Variants in WASL observed in about 807,000 individuals in gnomAD.
The protein encoded by WASL is WASP like actin nucleation promoting factor.
A neutral mutation model predicts 55.5 loss-of-function variants in WASL; 20 were observed. The ratio of observed to expected loss-of-function variants is 0.36; its 90% CI spans 0.25 to 0.52. The LOEUF (loss-of-function observed/expected upper bound fraction) is 0.52, where lower values mean the gene tolerates loss of function less well. Ranked by LOEUF, WASL falls within the 20% of genes least tolerant of loss-of-function variation. The pLI, the probability that WASL is intolerant of heterozygous loss-of-function variation, is 0.92. For missense variants in WASL, 504 were observed against 622.5 expected (o/e 0.81, Z 2.03); for synonymous variants, 249 against 217.6 (o/e 1.14, Z -1.27).
At chr7:123,699,433 G>A (rs527890519) in intron 5 of WASL, among the ~76,000 whole-genome samples, 8 of 152,072 alleles carry the variant, frequency 5.3e-5, no homozygotes, top group South Asian at 2.1e-4. Context: ...TGACTTTTCC[G>A]GAACTAAGTA....
intron 1 of WASL, among the ~76,000 whole-genome samples, chr7:123,723,351 C>T (rs1445468311): frequency 1.3e-5 from 2 of 152,152 alleles, no homozygotes; most frequent in African/African-American, 2.4e-5. Flanking sequence ...ATAACATTCA[C>T]ACCTTTACTA....
At chr7:123,709,607 A>C (rs1803724268) in intron 1 of WASL, among the ~76,000 whole-genome samples, 1 of 152,238 alleles carries the variant, frequency 6.6e-6, no homozygotes, top group Admixed American at 6.5e-5. Flanking sequence ...TAAATGGCAG[A>C]GCTGAAATTC....
intron 1 of WASL, among the ~76,000 whole-genome samples, chr7:123,744,090 T>A (rs915837398): frequency 1.4e-4 from 21 of 152,218 alleles, no homozygotes; most frequent in African/African-American, 5.1e-4. Flanking sequence ...ACTCAGGCCA[T>A]CATCAATACA....
intron 8 of WASL, among the ~76,000 whole-genome samples, chr7:123,693,801 A>C (rs1803451089): frequency 6.6e-6 from 1 of 152,220 alleles, no homozygotes; most frequent in African/African-American, 2.4e-5. Flanking sequence ...CCCCGTTTCT[A>C]TTAAAAATAT....
intron 5 of WASL, among the ~76,000 whole-genome samples, chr7:123,703,861 G>C (rs1452294243): frequency 6.6e-6 from 1 of 152,130 alleles, no homozygotes; most frequent in Non-Finnish European, 1.5e-5. Flanking sequence ...AAAGTGTGCT[G>C]GAGAATGATT....
intron 1 of WASL, among the ~76,000 whole-genome samples, chr7:123,718,556 C>T (rs1413941491): frequency 6.6e-6 from 1 of 151,836 alleles, no homozygotes; most frequent in South Asian, 2.1e-4. Flanking sequence ...TTTAAGAATC[C>T]TTCATATAAC....
At chr7:123,685,604 A>G (rs1803274221) in intron 10 of WASL, among the ~76,000 whole-genome samples, 1 of 151,942 alleles carries the variant, frequency 6.6e-6, no homozygotes, top group Admixed American at 6.6e-5. Flanking sequence ...GCTAATATCT[A>G]AAATTATTGT....
rs1803244784 is a variant in WASL at position 123,684,001 on chromosome 7, GT to G, written c.*517del. 5 of 152,050 alleles carry G rather than the reference GT, an allele frequency of 3.3e-5. No individual in the cohort carries two copies. The South Asian group carries it at 1.0e-3, about 32-fold the overall frequency. The allele number at this position is 152,050 out of a possible 1,614,324, so 9.4% of individuals were successfully genotyped here. ...CTAAAATTTGAGAAACTACATCGGT[GT>G]AGTGATGTCTACAGAACTGTGCAAT... On this transcript the variant is annotated 3_prime_UTR_variant, in exon 11 of 11. Transcript: ENST00000223023.
chr7:123,705,567 T>A (rs1803655508), intron 4 of WASL, among the ~76,000 whole-genome samples: 2 of 152,186 alleles, frequency 1.3e-5, no homozygotes, highest in Non-Finnish European at 2.9e-5. Flanking sequence ...ACTCATCTGC[T>A]TAAGATGATT....
intron 1 of WASL, among the ~76,000 whole-genome samples, chr7:123,745,262 A>G (rs191808300): frequency 6.6e-6 from 1 of 152,210 alleles, no homozygotes; most frequent in East Asian, 1.9e-4. Context: ...GCAATACTAT[A>G]AATCAACTAT....
At chr7:123,688,250 TAA>T (rs890773546) in intron 10 of WASL, among the ~76,000 whole-genome samples, 2 of 152,142 alleles carry the variant, frequency 1.3e-5, no homozygotes, top group African/African-American at 4.8e-5. Flanking sequence ...AAGAAAGGTT[TAA>T]AAAAAGTTAG....
At chr7:123,732,747 T>G (rs1243367154) in intron 1 of WASL, among the ~76,000 whole-genome samples, 1 of 152,036 alleles carries the variant, frequency 6.6e-6, no homozygotes, top group Admixed American at 6.6e-5. Flanking sequence ...AAAGGAAAAT[T>G]GCAAACCACT....
At chr7:123,733,514 G>C (rs756916497) in intron 1 of WASL, among the ~76,000 whole-genome samples, 2 of 152,100 alleles carry the variant, frequency 1.3e-5, no homozygotes, top group African/African-American at 2.4e-5. Context: ...AGGTATTTCA[G>C]GTTCACATAG....
intron 5 of WASL, among the ~76,000 whole-genome samples, chr7:123,696,975 T>C (rs1234685973): frequency 2.0e-5 from 3 of 152,080 alleles, no homozygotes; most frequent in African/African-American, 7.2e-5. Flanking sequence ...TACATTTTTA[T>C]GCCATTAAAT....
Position 123,748,614 on chromosome 7 carries a change from T to C in WASL, c.117+4A>G. 6.2e-7 allele frequency: 1 copy of C among 1,613,306 alleles called. No homozygotes were observed. Among genetic ancestry groups the C allele is most frequent in the Non-Finnish European group, 8.5e-7 (1 of 1,179,652 alleles). ...GGGTGGCGACGCGGGTCTCGTCCAC[T>C]GACCACACATTTCTTGCCGAGGAAA... On this transcript the variant is annotated splice_donor_region_variant and intron_variant, in intron 1 of 10. Transcript: ENST00000223023.
chr7:123,722,357 T>G (rs1261790642), intron 1 of WASL, among the ~76,000 whole-genome samples: 1 of 152,204 alleles, frequency 6.6e-6, no homozygotes, highest in Non-Finnish European at 1.5e-5. Context: ...ATAAAAATAA[T>G]TTAAAGAATC....
intron 6 of WASL, 26 bp from the exon 7 acceptor site, chr7:123,695,891 A>G: frequency 6.2e-7 from 1 of 1,609,490 alleles, no homozygotes. Flanking sequence ...GAAAAAAAAT[A>G]GAAAAACAAA....
chr7:123,713,749 T>C (rs1232620243), intron 1 of WASL, among the ~76,000 whole-genome samples: 1 of 152,230 alleles, frequency 6.6e-6, no homozygotes, highest in Non-Finnish European at 1.5e-5. Context: ...GAATATACAG[T>C]TGGCCCTTGA....
At chr7:123,732,364 G>A in intron 1 of WASL, among the ~76,000 whole-genome samples, 1 of 151,938 alleles carries the variant, frequency 6.6e-6, no homozygotes, top group East Asian at 1.9e-4. Flanking sequence ...AATAAAAAAA[G>A]AAGAGGTCTA....
Sources: gnomAD v4.1 joint callset for allele counts (sites outside exome capture counted in the v4.1 genomes callset) on GRCh38, gnomAD v4.1.1 for gene constraint, MANE v1.5 for transcripts, NCBI Gene and HGNC (gene_info 2026-07-23, HGNC 2026-07-21) for gene names.